CPE: variants seen among roughly 807,000 people sequenced by gnomAD.
The protein encoded by CPE is carboxypeptidase E, also known as carbocypeptidase E.
CPE carries 17 observed loss-of-function variants against 53.5 expected under a neutral mutation model. The ratio of observed to expected loss-of-function variants is 0.32; its 90% confidence interval spans 0.22 to 0.48. The LOEUF (loss-of-function observed/expected upper bound fraction) is 0.48. Among genes scored for constraint, CPE ranks in the 20% least tolerant of loss-of-function variants. CPE has a pLI of 0.99. For missense variants in CPE, 524 were observed against 614.7 expected, an observed-to-expected ratio of 0.85 and a Z score of 1.56; for synonymous variants, 226 against 228.8, an observed-to-expected ratio of 0.99 and a Z score of 0.11.
chr4:165,482,250 T>C lies in CPE; in HGVS notation c.681T>C (p.Pro227=), dbSNP rs1317832581. 8.1e-6 allele frequency: 13 copies of C among 1,607,696 alleles called. No individual in the cohort carries two copies. Among genetic ancestry groups the C allele is most frequent in the Non-Finnish European group, 1.1e-5 (13 of 1,174,688 alleles). The stretch of plus-strand genomic sequence containing the variant: ...ATCTCTCATCTGAACAGCTTGCTCC[T>C]GAGACCAAGGCTGTCATTCATTGGA... ...KIVDQNTKLA[P]ETKAVIHWIM... The change falls in exon 4 of 9, where the codon CCT becomes CCC. Residue 227 remains proline (P), a synonymous_variant. Transcript: ENST00000402744.
At position 165,487,484 on chromosome 4, in the gene CPE, C is replaced by T. The variant is rs369913068; in HGVS notation, c.1020C>T (p.Thr340=). Residue 340 remains threonine, a synonymous_variant, in exon 6 of 9, where the codon ACC becomes ACT. Coordinates refer to ENST00000402744, the MANE Select transcript of CPE (RefSeq NM_001873.4). ...NYLSSNCFEI[T]VELSCEKFPP... ...TTAGCAGCAACTGTTTTGAGATCAC[C>T]GTGGAGCTTAGCTGTGAGAAGTTCC... The T allele has an allele frequency of 7.4e-5, 120 of 1,613,922 alleles. No homozygotes were observed. Among genetic ancestry groups the T allele is most frequent in the Admixed American group, 1.8e-4 (11 of 59,992 alleles).
intron 1 of CPE, chr4:165,404,258 C>G: frequency 1.3e-6 from 1 of 766,946 alleles, no homozygotes; most frequent in Non-Finnish European, 2.4e-6. Context: ...TCCAATGTCT[C>G]CCTCTGCAGG....
chr4:165,455,235 A>G (rs1303268992), intron 1 of CPE, among the ~76,000 whole-genome samples: 4 of 152,238 alleles, frequency 2.6e-5, no homozygotes, highest in African/African-American at 7.2e-5. Flanking sequence ...AGTCAGGTGC[A>G]TTCCTATTTT....
intron 1 of CPE, among the ~76,000 whole-genome samples, chr4:165,387,562 G>A (rs1730613317): frequency 6.6e-6 from 1 of 151,996 alleles, no homozygotes; most frequent in Non-Finnish European, 1.5e-5. Context: ...TGTAATCCTA[G>A]CACTTTGGGA....
At position 165,493,197 on chromosome 4, in the gene CPE, C is replaced by T; in HGVS notation, c.1140C>T (p.Val380=). 2 of 1,613,850 alleles carry T rather than the reference C, an allele frequency of 1.2e-6. No individual in the cohort carries two copies. Among genetic ancestry groups the T allele is most frequent in the Non-Finnish European group, 1.7e-6 (2 of 1,179,874 alleles). ...TACACCGAGGAGTTAAAGGATTTGTCCGAGACCTTCAAGGTAACCCAATTG... is the reference window on the plus strand; with the variant it reads ...TACACCGAGGAGTTAAAGGATTTGTTCGAGACCTTCAAGGTAACCCAATTG... ...EQIHRGVKGF[V]RDLQGNPIAN... The change falls in exon 7 of 9, where the codon GTC becomes GTT. Residue 380 remains valine, a synonymous_variant. Transcript: ENST00000402744.
At chr4:165,459,682 G>GC (rs1161065878) in intron 1 of CPE, among the ~76,000 whole-genome samples, 7 of 127,866 alleles carry the variant, frequency 5.5e-5, no homozygotes, top group African/African-American at 2.3e-4. Flanking sequence ...GGTGGGGGGG[G>GC]GCGGGGCAGA....
intron 1 of CPE, among the ~76,000 whole-genome samples, chr4:165,426,386 T>G (rs1304255605): frequency 2.0e-5 from 3 of 152,234 alleles, no homozygotes; most frequent in Non-Finnish European, 4.4e-5. Flanking sequence ...TCATCTCAGT[T>G]GCTGTGTGAC....
At chr4:165,486,512 C>T (rs1362407359) in intron 5 of CPE, among the ~76,000 whole-genome samples, 1 of 152,088 alleles carries the variant, frequency 6.6e-6, no homozygotes, top group African/African-American at 2.4e-5. Context: ...GGAACTGGGT[C>T]ACACAAACCT....
chr4:165,470,866 G>T (rs1732193390), intron 3 of CPE, among the ~76,000 whole-genome samples: 1 of 152,154 alleles, frequency 6.6e-6, no homozygotes, highest in South Asian at 2.1e-4. Flanking sequence ...AGGGTAGGAT[G>T]GCTCCATGGG....
chr4:165,462,725 G>A (rs941812404), intron 1 of CPE, among the ~76,000 whole-genome samples: 48 of 152,204 alleles, frequency 3.2e-4, no homozygotes, highest in Middle Eastern at 3.4e-3. Context: ...GTCCCTAGGG[G>A]TAATTTTATT....
At chr4:165,400,539 A>C (rs145748326) in intron 1 of CPE, among the ~76,000 whole-genome samples, 87 of 152,146 alleles carry the variant, frequency 5.7e-4, no homozygotes, top group African/African-American at 2.0e-3. Context: ...AAGGTCACTC[A>C]CTCCCAGCAC....
At chr4:165,445,215 C>G (rs894101865) in intron 1 of CPE, among the ~76,000 whole-genome samples, 2 of 152,104 alleles carry the variant, frequency 1.3e-5, no homozygotes, top group Non-Finnish European at 1.5e-5. Context: ...CTCGAACTCC[C>G]AAAGTGCTGG....
At chr4:165,438,933 T>A (rs1202789580) in intron 1 of CPE, among the ~76,000 whole-genome samples, 16 of 152,170 alleles carry the variant, frequency 1.1e-4, no homozygotes, top group Admixed American at 9.8e-4. Flanking sequence ...GGCTGGCCCC[T>A]TTAATATTGG....
intron 1 of CPE, chr4:165,406,071 A>T: frequency 1.3e-6 from 1 of 758,940 alleles, no homozygotes; most frequent in Non-Finnish European, 2.5e-6. Flanking sequence ...GGCTTTGGTG[A>T]GATAAGGATG....
Position 165,496,466 on chromosome 4 carries a change from G to A in CPE, c.1332+789G>A, listed in dbSNP as rs117023341. On this transcript the variant is annotated intron_variant, in intron 8 of 8. Transcript: ENST00000402744. ...GGGTAACTGAAACCTGGAAAAAATGGCCCTGGGAACAAGTTGTAAAGGTTC... is the reference window on the plus strand; with the variant it reads ...GGGTAACTGAAACCTGGAAAAAATGACCCTGGGAACAAGTTGTAAAGGTTC... 7.2e-5 allele frequency among the ~76,000 whole-genome samples: 11 copies of A among 152,238 alleles called. No individual in the cohort carries two copies. In the East Asian group the frequency reaches 2.1e-3, roughly 29 times the overall value.
At chr4:165,409,122 G>A (rs1158224361) in intron 1 of CPE, among the ~76,000 whole-genome samples, 1 of 152,112 alleles carries the variant, frequency 6.6e-6, no homozygotes, top group Non-Finnish European at 1.5e-5. Flanking sequence ...TGGTGGTTCC[G>A]GAATGGTTGA....
chr4:165,404,148 C>G, intron 1 of CPE: 1 of 770,010 alleles, frequency 1.3e-6, no homozygotes, highest in Non-Finnish European at 2.4e-6. Flanking sequence ...TAGGCAGCCT[C>G]ATACTTCTTG....
intron 5 of CPE, among the ~76,000 whole-genome samples, chr4:165,487,142 G>T (rs1368324226): frequency 6.6e-6 from 1 of 152,110 alleles, no homozygotes; most frequent in African/African-American, 2.4e-5. Context: ...TTACCCTGTT[G>T]TCTTCTCCGA....
chr4:165,407,099 A>G (rs1730965979), intron 1 of CPE, among the ~76,000 whole-genome samples: 1 of 152,160 alleles, frequency 6.6e-6, no homozygotes, highest in South Asian at 2.1e-4. Flanking sequence ...TCTTTTAGGT[A>G]TGAACCTAGC....
Sources: gnomAD v4.1 joint callset for allele counts (sites outside exome capture counted in the v4.1 genomes callset) on GRCh38, gnomAD v4.1.1 for gene constraint, MANE v1.5 for transcripts, NCBI Gene and HGNC (gene_info 2026-07-23, HGNC 2026-07-21) for gene names.